The following RHPN1 variants were observed in gnomAD, a reference collection of about 807,000 sequenced individuals.
RHPN1 encodes the protein rhophilin Rho GTPase binding protein 1.
Under a neutral mutation model 74.7 loss-of-function variants are expected in RHPN1, and 77 were observed. The ratio of observed to expected loss-of-function variants is 1.03; its 90% confidence interval spans 0.86 to 1.25. RHPN1 has a LOEUF of 1.25. Ranked by LOEUF, RHPN1 falls within the 50% of genes most tolerant of loss-of-function variation. RHPN1 has a pLI of 0.00. For missense variants in RHPN1, 987 were observed against 932.2 expected (o/e 1.06, Z -0.77); for synonymous variants, 444 against 414.5 (o/e 1.07, Z -0.87).
chr8:143,368,784 AATGGCCAGC>A (rs1268473768), upstream of RHPN1: 9 of 332,960 alleles, frequency 2.7e-5, no homozygotes, highest in Non-Finnish European at 4.9e-5. Flanking sequence ...CCTATTGGGC[AATGGCCAGC>A]TTCGCACGCC....
In RHPN1 at chr8:143,380,148, CA is replaced by C; in HGVS notation, c.1190del (p.Gln397ArgfsTer14). On this transcript the variant is annotated frameshift_variant, in exon 10 of 15. Transcript: ENST00000289013. LOFTEE classifies it high-confidence loss of function. ...TAAGCCCCGAGGCCCTGTGCTGCCG[CA>C]GGAGCTGGAGGAGCGCAGGCAGCTT... ...SSKPRGPVLP[Q>X]ELEERRQLGK... 6 of 1,547,722 alleles carry C rather than the reference CA, an allele frequency of 3.9e-6. No homozygotes were observed. Among genetic ancestry groups the C allele is most frequent in the Non-Finnish European group, 5.2e-6 (6 of 1,146,952 alleles).
chr8:143,374,978 G>A (rs929166345), intron 1 of RHPN1, among the ~76,000 whole-genome samples: 4 of 152,186 alleles, frequency 2.6e-5, no homozygotes, highest in Admixed American at 1.3e-4. Flanking sequence ...CGTTCGCTTC[G>A]AGAACCATTC....
chr8:143,364,449 A>C (rs1023620784), upstream of RHPN1, among the ~76,000 whole-genome samples: 3 of 151,652 alleles, frequency 2.0e-5, no homozygotes, highest in African/African-American at 7.2e-5. This position sits in a 1 kb window ranked among gnomAD's most constrained non-coding sequence, Gnocchi z 4.5. Context: ...GGAAGGTCCC[A>C]GAGCAGGCTG....
At chr8:143,365,614 C>G (rs1817546359), upstream of RHPN1, among the ~76,000 whole-genome samples, 1 of 152,198 alleles carries the variant, frequency 6.6e-6, no homozygotes, top group African/African-American at 2.4e-5. Context: ...AGAAAGGAGC[C>G]CAGGTTCCTG....
Position 143,378,748 on chromosome 8 carries a change from AT to A in RHPN1, c.514del (p.Tyr172ThrfsTer85). 6.3e-7 allele frequency: 1 copy of A among 1,589,348 alleles called. No individual in the cohort carries two copies. Among genetic ancestry groups the A allele is most frequent in the South Asian group, 1.1e-5 (1 of 87,374 alleles). On this transcript the variant is annotated frameshift_variant, in exon 6 of 15. Coordinates refer to ENST00000289013, the MANE Select transcript of RHPN1 (RefSeq NM_052924.3). LOFTEE classifies it high-confidence loss of function. The stretch of plus-strand genomic sequence containing the variant: ...TCGGGCCTGGAGCTGCTCACAGCCT[AT>A]TACAACCAGCTGTGCTTCCTGGATG... Reference protein sequence around the residue: ...NESGLELLTAYYNQLCFLDAR... With the variant: ...NESGLELLTAXYNQLCFLDAR...
In RHPN1 at chr8:143,380,091, G is replaced by A. The variant is rs772768650; in HGVS notation, c.1132G>A (p.Glu378Lys). Residue 378 changes from glutamate (E) to lysine (K), a missense_variant, in exon 10 of 15, where the codon GAG becomes AAG. By Grantham distance (56) the Glu-to-Lys change is moderately conservative. Transcript: ENST00000289013. ...GACCGAGGGAGAGCTCCCCACGCAC[G>A]AGCAGGTCTTCCTGCAGCCCCCCAC... Reference protein sequence around the residue: ...PATEGELPTHEQVFLQPPTSS... With the variant: ...PATEGELPTHKQVFLQPPTSS... 6 of 1,553,180 alleles carry A rather than the reference G, an allele frequency of 3.9e-6. No individual in the cohort carries two copies. Among genetic ancestry groups the A allele is most frequent in the Non-Finnish European group, 5.2e-6 (6 of 1,149,644 alleles).
At chr8:143,365,866 G>A (rs1047326182), upstream of RHPN1, among the ~76,000 whole-genome samples, 8 of 151,856 alleles carry the variant, frequency 5.3e-5, no homozygotes, top group East Asian at 1.9e-4. Context: ...ATGTGGTGGC[G>A]CATGCAAGCG....
intron 4 of RHPN1, among the ~76,000 whole-genome samples, chr8:143,377,953 G>T (rs1818396198): frequency 6.6e-6 from 1 of 152,216 alleles, no homozygotes. Flanking sequence ...CGGCCACGGG[G>T]ATGAATAAGG....
At position 143,382,905 on chromosome 8, in the gene RHPN1, A is replaced by C. The variant is rs968259521; in HGVS notation, c.*254A>C. On this transcript the variant is annotated 3_prime_UTR_variant, in exon 15 of 15. Transcript: ENST00000289013. ...GAGGTCAGCTTCCTGGGGCTGCCCC[A>C]CCCTGAGGGCTCCTTACAGGGTGCT... 3.7e-6 allele frequency: 2 copies of C among 543,096 alleles called. No individual in the cohort carries two copies. The highest frequency in any genetic ancestry group is 6.6e-6 in the Non-Finnish European group (2 of 302,422). 33.6% of individuals were successfully genotyped at this position (543,096 alleles called of 1,614,324 possible).
At chr8:143,382,057 G>T in intron 14 of RHPN1, 89 bp downstream of exon 14, 1 of 1,306,962 alleles carries the variant, frequency 7.7e-7, no homozygotes, top group Non-Finnish European at 1.0e-6. Context: ...AGCAACATTG[G>T]GAAGGGGAGG....
At position 143,380,061 on chromosome 8, in the gene RHPN1, G is replaced by A; in HGVS notation, c.1103-1G>A. The A allele has an allele frequency of 6.5e-7, 1 of 1,545,432 alleles. No individual in the cohort carries two copies. Among genetic ancestry groups the A allele is most frequent in the Non-Finnish European group, 8.7e-7 (1 of 1,144,858 alleles). On this transcript the variant is annotated splice_acceptor_variant, in intron 9 of 14. Transcript: ENST00000289013. LOFTEE classifies it high-confidence loss of function. ...GGGCTCACAGCCTCTCTGTCCCCCAGCAGCGACCGAGGGAGAGCTCCCCAC... is the reference window on the plus strand; with the variant it reads ...GGGCTCACAGCCTCTCTGTCCCCCAACAGCGACCGAGGGAGAGCTCCCCAC...
At chr8:143,372,442 G>A (rs964649300) in intron 1 of RHPN1, among the ~76,000 whole-genome samples, 1 of 152,118 alleles carries the variant, frequency 6.6e-6, no homozygotes, top group Non-Finnish European at 1.5e-5. Context: ...TGGAGGAGGC[G>A]GGAGTGAGAA....
rs745702239 is a variant in RHPN1 at position 143,381,718 on chromosome 8, G to A, written c.1635G>A (p.Ala545=). The change falls in exon 13 of 15, where the codon GCG becomes GCA. Residue 545 remains alanine, a splice_region_variant and synonymous_variant. Coordinates refer to ENST00000289013, the MANE Select transcript of RHPN1 (RefSeq NM_052924.3). ...CCGTCATTCCAGGGAGCCAGGCCGC[G>A]GTAAGGGCCCCGCCGGCCCCCTGAG... ...IAAVIPGSQA[A]AAGLKEGDYI... The A allele has an allele frequency of 6.2e-6, 10 of 1,609,394 alleles. No individual in the cohort carries two copies. Among genetic ancestry groups the A allele is most frequent in the African/African-American group, 2.7e-5 (2 of 75,018 alleles).
chr8:143,368,666 G>A (rs930427212), upstream of RHPN1: 8 of 209,258 alleles, frequency 3.8e-5, 1 homozygote, highest in East Asian at 3.1e-4. Context: ...TTCCGGCCGC[G>A]GTTGCCAGGG....
At chr8:143,368,561 C>G (rs953392111), upstream of RHPN1, 1 of 153,412 alleles carries the variant, frequency 6.5e-6, no homozygotes, top group African/African-American at 2.4e-5. Flanking sequence ...TGGGACGTTC[C>G]GTATAGTTTT....
Position 143,379,757 on chromosome 8 carries a change from G to A in RHPN1, c.946-72G>A. On this transcript the variant is annotated intron_variant, in intron 8 of 14. Transcript: ENST00000289013. ...TGGGATGGTGGTCGGAGCAGGTGGA[G>A]GCTGGGTAGGGAGAAGCAGGCACCA... 5 of 1,521,710 alleles carry A rather than the reference G, an allele frequency of 3.3e-6. No homozygotes were observed. The South Asian group carries it at 3.8e-5, about 12-fold the overall frequency. 94.3% of individuals were successfully genotyped at this position (1,521,710 alleles called of 1,614,324 possible). A position where few individuals can be genotyped will look rare whatever the true frequency, so the allele number is the denominator to read the frequency against.
intron 1 of RHPN1, chr8:143,374,340 G>A (rs1250625437): frequency 2.0e-6 from 2 of 983,854 alleles, no homozygotes; most frequent in Non-Finnish European, 2.4e-6. Context: ...ACGCCACAAG[G>A]TCCTGGGGAA....
Position 143,379,507 on chromosome 8 carries a change from A to G in RHPN1, c.944A>G (p.Gln315Arg). The change falls in exon 8 of 15, where the codon CAG becomes CGG. Residue 315 changes from glutamine to arginine, a missense_variant and splice_region_variant. Gln to Arg is a conservative substitution (Grantham distance 43, BLOSUM62 1). Transcript: ENST00000289013. ...CTGCGCCTGGCGCAGGAGGCCGCCC[A>G]GGTGAGCTCGGGCACCCGTGTCAGG... ...AQLRLAQEAA[Q>R]VAAEYRLVHR... 6.5e-7 allele frequency: 1 copy of G among 1,544,988 alleles called. No homozygotes were observed. The highest frequency in any genetic ancestry group is 8.7e-7 in the Non-Finnish European group (1 of 1,144,066).
At chr8:143,370,955 C>G (rs561420186) in intron 1 of RHPN1, among the ~76,000 whole-genome samples, 1 of 152,272 alleles carries the variant, frequency 6.6e-6, no homozygotes, top group African/African-American at 2.4e-5. Context: ...GCCCCCCTCA[C>G]CTGGTCTCCA....
Sources: gnomAD v4.1 joint callset for allele counts (sites outside exome capture counted in the v4.1 genomes callset) on GRCh38, gnomAD v4.1.1 for gene constraint, Gnocchi (gnomAD v3.1) non-coding constraint, MANE v1.5 for transcripts, NCBI Gene and HGNC (gene_info 2026-07-23, HGNC 2026-07-21) for gene names.